The following TRDN variants were observed in gnomAD, a reference collection of about 807,000 sequenced individuals.
The protein encoded by TRDN is triadin in skeletal muscle.
In TRDN, 161 loss-of-function variants were observed where a neutral mutation model predicts 149.7. That is an observed-to-expected ratio of 1.08 (90% CI 0.95 to 1.23). The LOEUF (loss-of-function observed/expected upper bound fraction) is 1.23. Ranked by LOEUF, TRDN falls within the 50% of genes most tolerant of loss-of-function variation. The probability of loss-of-function intolerance (pLI) is 0.00; values close to 1 mark genes in which losing one functional copy is unlikely to be tolerated. For synonymous variants in TRDN, 294 were observed against 250.5 expected (o/e 1.17, Z -1.64); for missense variants, 896 against 823.5 (o/e 1.09, Z -1.08).
At chr6:123,578,146 G>C (rs1315374982) in intron 1 of TRDN, among the ~76,000 whole-genome samples, 4 of 152,020 alleles carry the variant, frequency 2.6e-5, no homozygotes, top group African/African-American at 9.7e-5. Flanking sequence ...ATTAGATCTT[G>C]TTTGTCAATT....
At chr6:123,600,552 T>C (rs1337768784) in intron 1 of TRDN, among the ~76,000 whole-genome samples, 1 of 151,964 alleles carries the variant, frequency 6.6e-6, no homozygotes, top group Non-Finnish European at 1.5e-5. Context: ...GGAAGCTTTA[T>C]TATGGGAAAG....
At chr6:123,466,824 C>T (rs571883862) in intron 9 of TRDN, among the ~76,000 whole-genome samples, 23 of 151,776 alleles carry the variant, frequency 1.5e-4, no homozygotes, top group Non-Finnish European at 2.6e-4. Flanking sequence ...TAAGATAGAT[C>T]GATATCTTCA....
intron 12 of TRDN, among the ~76,000 whole-genome samples, chr6:123,424,455 A>G (rs1223940507): frequency 6.6e-6 from 1 of 151,834 alleles, no homozygotes; most frequent in Non-Finnish European, 1.5e-5. Context: ...AGAAAAAACA[A>G]CTCATGCATC....
At chr6:123,607,320 G>A (rs1387826961) in intron 1 of TRDN, among the ~76,000 whole-genome samples, 1 of 152,140 alleles carries the variant, frequency 6.6e-6, no homozygotes, top group East Asian at 1.9e-4. Flanking sequence ...TGTGCTGGAA[G>A]GACATAAACT....
At chr6:123,296,976 A>G (rs1049675871) in intron 24 of TRDN, among the ~76,000 whole-genome samples, 8 of 152,120 alleles carry the variant, frequency 5.3e-5, no homozygotes, top group African/African-American at 1.9e-4. Context: ...TAAGAAGTAG[A>G]AATATTATTT....
At chr6:123,482,545 T>G (rs965542503) in intron 9 of TRDN, among the ~76,000 whole-genome samples, 3 of 152,180 alleles carry the variant, frequency 2.0e-5, no homozygotes, top group African/African-American at 7.2e-5. Context: ...CTATTTATAA[T>G]CACATAAAAA....
rs113890493 is a variant in TRDN, at chr6:123,624,663, G to A, written c.22+12091C>T. ...CTCTGCCAACAGATTTGGTTTTACT[G>A]TAGCAACTGATTCTTCTTTGTAAGC... On this transcript the variant is annotated intron_variant, in intron 1 of 40. Coordinates refer to ENST00000334268, the MANE Select transcript of TRDN (RefSeq NM_006073.4). Among the ~76,000 whole-genome samples, 171 of 152,232 alleles carry A rather than the reference G, an allele frequency of 1.1e-3. 1 individual carries two copies. Among genetic ancestry groups the A allele is most frequent in the African/African-American group, 4.0e-3 (166 of 41,548 alleles).
At chr6:123,367,196 G>A (rs372166905) in intron 19 of TRDN, among the ~76,000 whole-genome samples, 3 of 151,820 alleles carry the variant, frequency 2.0e-5, no homozygotes, top group African/African-American at 7.3e-5. Flanking sequence ...TAGTCCACAG[G>A]AAAATAAAAT....
intron 1 of TRDN, among the ~76,000 whole-genome samples, chr6:123,631,540 A>C (rs1263441331): frequency 6.6e-6 from 1 of 152,100 alleles, no homozygotes; most frequent in East Asian, 1.9e-4. Context: ...ACTCTGCTTA[A>C]TATGAGCATA....
chr6:123,621,144 G>A (rs1474904576), intron 1 of TRDN, among the ~76,000 whole-genome samples: 1 of 152,086 alleles, frequency 6.6e-6, no homozygotes, highest in Admixed American at 6.6e-5. Context: ...TTTTTACATT[G>A]CTGCCCATAC....
chr6:123,301,774 T>TATATAC (rs1554221701), intron 24 of TRDN, among the ~76,000 whole-genome samples: 258 of 138,168 alleles, frequency 1.9e-3, no homozygotes, highest in Admixed American at 3.1e-3. Context: ...TATATACATA[T>TATATAC]ATATATATAT....
At chr6:123,471,472 T>C (rs750973349) in intron 9 of TRDN, 2 of 152,208 alleles carry the variant, frequency 1.3e-5, no homozygotes, top group Non-Finnish European at 2.9e-5. Flanking sequence ...AGGGTTTTTT[T>C]TCACAATTTT....
intron 10 of TRDN, among the ~76,000 whole-genome samples, chr6:123,449,367 TA>T (rs1278294333): frequency 1.3e-5 from 2 of 151,968 alleles, no homozygotes; most frequent in South Asian, 4.2e-4. Context: ...ATAGATCGAT[TA>T]AAAAAAATCA....
At chr6:123,556,351 G>A (rs1781653251) in intron 2 of TRDN, among the ~76,000 whole-genome samples, 1 of 152,088 alleles carries the variant, frequency 6.6e-6, no homozygotes, top group African/African-American at 2.4e-5. Context: ...CATTCAATGA[G>A]ATTTTTAACA....
Position 123,443,066 on chromosome 6 carries a change from T to C in TRDN, c.932-4063A>G, listed in dbSNP as rs1775024931. On this transcript the variant is annotated intron_variant, in intron 10 of 40. Transcript: ENST00000334268. ...TTACCAAGTGAAATATGCATCATCT[T>C]GCATTTATTTTCTAATTTTCCTGGG... Among the ~76,000 whole-genome samples the C allele has an allele frequency of 2.0e-5, 3 of 152,130 alleles. No individual in the cohort carries two copies. In the South Asian group the frequency reaches 6.2e-4, roughly 32 times the overall value.
chr6:123,435,571 T>G (rs549980871), intron 12 of TRDN, among the ~76,000 whole-genome samples: 1 of 149,700 alleles, frequency 6.7e-6, no homozygotes, highest in African/African-American at 2.5e-5. Flanking sequence ...GCACACACTG[T>G]TTTGAGTATT....
At chr6:123,554,450 A>T (rs1462047655) in intron 2 of TRDN, among the ~76,000 whole-genome samples, 1 of 152,200 alleles carries the variant, frequency 6.6e-6, no homozygotes, top group East Asian at 1.9e-4. Context: ...CTAAAGAAAT[A>T]ATTTTAAGTG....
chr6:123,420,706 T>G (rs934998709), intron 12 of TRDN, among the ~76,000 whole-genome samples: 11 of 152,156 alleles, frequency 7.2e-5, no homozygotes, highest in African/African-American at 9.6e-5. Flanking sequence ...ATTCAATGGG[T>G]GGATTCAGCA....
intron 1 of TRDN, among the ~76,000 whole-genome samples, chr6:123,622,289 T>C (rs1785425016): frequency 6.9e-6 from 1 of 145,364 alleles, no homozygotes; most frequent in African/African-American, 2.7e-5. Context: ...TTCATTGTAA[T>C]TATCTCTCTC....
Sources: allele counts gnomAD v4.1 joint callset (sites outside exome capture counted in the v4.1 genomes callset), GRCh38; gene constraint gnomAD v4.1.1; transcripts MANE v1.5; gene names NCBI Gene and HGNC (gene_info 2026-07-23, HGNC 2026-07-21).